Variants in PGBD2 observed in about 807,000 individuals in gnomAD.
PGBD2 encodes the protein piggyBac transposable element-derived protein 2.
A neutral mutation model predicts 8.1 loss-of-function variants in PGBD2; 6 were observed. The ratio of observed to expected loss-of-function variants is 0.74; its 90% confidence interval spans 0.40 to 1.46. PGBD2 has a LOEUF of 1.46. Ranked by LOEUF, PGBD2 falls within the 40% of genes most tolerant of loss-of-function variation. The probability of loss-of-function intolerance (pLI) is 0.02; values close to 1 mark genes in which losing one functional copy is unlikely to be tolerated. For missense variants in PGBD2, 802 were observed against 739.0 expected (o/e 1.09, Z -0.99); for synonymous variants, 318 against 272.2 (o/e 1.17, Z -1.66).
At chr1:248,929,003 G>T in the PGBD2 span, among the ~76,000 whole-genome samples, 6 of 152,206 alleles carry the variant, frequency 3.9e-5, no homozygotes, top group African/African-American at 7.2e-5. Flanking sequence ...AAACCTGTTT[G>T]TGAGATCTCC....
At chr1:248,890,130 T>C in the PGBD2 span, among the ~76,000 whole-genome samples, 2 of 152,034 alleles carry the variant, frequency 1.3e-5, no homozygotes, top group Admixed American at 1.3e-4. Flanking sequence ...TTTCTCCATG[T>C]TGGTCATGCT....
chr1:248,923,166 TC>T (rs1263248486), downstream of PGBD2, among the ~76,000 whole-genome samples: 4 of 152,234 alleles, frequency 2.6e-5, no homozygotes, highest in African/African-American at 9.6e-5. Flanking sequence ...GGATTCGACT[TC>T]CTCCTGGTTT....
chr1:248,886,289 A>G, the PGBD2 span, among the ~76,000 whole-genome samples: 1 of 152,254 alleles, frequency 6.6e-6, no homozygotes, highest in East Asian at 1.9e-4. Context: ...ACTTGAGTGT[A>G]CATTATTCAT....
At chr1:248,895,749 G>A in the PGBD2 span, among the ~76,000 whole-genome samples, 2 of 151,712 alleles carry the variant, frequency 1.3e-5, no homozygotes, top group South Asian at 2.1e-4. Flanking sequence ...GTGCAGTGGC[G>A]TGATCTTGGC....
chr1:248,900,278 C>T, the PGBD2 span, among the ~76,000 whole-genome samples: 2 of 152,116 alleles, frequency 1.3e-5, no homozygotes, highest in African/African-American at 4.8e-5. Context: ...GGCAGAAATA[C>T]AACAACAACA....
chr1:248,925,301 A>G, the PGBD2 span, among the ~76,000 whole-genome samples: 1 of 152,280 alleles, frequency 6.6e-6, no homozygotes, highest in East Asian at 1.9e-4. Flanking sequence ...CTCAGCTGTG[A>G]CCCCGCACTG....
At chr1:248,895,841 C>T in the PGBD2 span, among the ~76,000 whole-genome samples, 1 of 151,858 alleles carries the variant, frequency 6.6e-6, no homozygotes, top group African/African-American at 2.4e-5. Flanking sequence ...GCACGTGCCA[C>T]CACGCCCAGC....
the PGBD2 span, among the ~76,000 whole-genome samples, chr1:248,880,700 G>T: frequency 6.6e-6 from 1 of 152,174 alleles, no homozygotes; most frequent in Admixed American, 6.5e-5. Flanking sequence ...CCAATATCCA[G>T]ATAAAACTGT....
chr1:248,878,170 T>G, the PGBD2 span, among the ~76,000 whole-genome samples: 1 of 143,596 alleles, frequency 7.0e-6, no homozygotes, highest in Non-Finnish European at 1.5e-5. Context: ...TTTGTATCAT[T>G]GTTTTCCATA....
chr1:248,902,019 A>G (rs1244441935), upstream of PGBD2, among the ~76,000 whole-genome samples: 3 of 152,214 alleles, frequency 2.0e-5, no homozygotes, highest in Non-Finnish European at 4.4e-5. Flanking sequence ...CTGTGGTCCC[A>G]GCATTTTCAG....
chr1:248,879,152 T>A, the PGBD2 span, among the ~76,000 whole-genome samples: 1 of 152,250 alleles, frequency 6.6e-6, no homozygotes, highest in Non-Finnish European at 1.5e-5. Context: ...GAGCGTAAGC[T>A]GCTCACAGCG....
At chr1:248,906,920 G>A (rs1003194559) in intron 1 of PGBD2, among the ~76,000 whole-genome samples, 2 of 152,164 alleles carry the variant, frequency 1.3e-5, no homozygotes, top group Non-Finnish European at 2.9e-5. Flanking sequence ...TTGGGTGAAG[G>A]GGTGGCCTGC....
At chr1:248,882,078 A>G in the PGBD2 span, among the ~76,000 whole-genome samples, 4 of 152,306 alleles carry the variant, frequency 2.6e-5, no homozygotes, top group Admixed American at 2.6e-4. Context: ...AGCAGCCCGC[A>G]ATGCAATGGG....
chr1:248,884,930 G>T, the PGBD2 span, among the ~76,000 whole-genome samples: 1 of 152,230 alleles, frequency 6.6e-6, no homozygotes, highest in East Asian at 1.9e-4. Context: ...AGTCTGTTTT[G>T]TCAGTCTTAT....
upstream of PGBD2, among the ~76,000 whole-genome samples, chr1:248,903,469 G>A (rs182994153): frequency 3.7e-4 from 57 of 152,306 alleles, no homozygotes; most frequent in African/African-American, 1.3e-3. Context: ...GATTACAGGT[G>A]TGAGCCACCA....
the PGBD2 span, among the ~76,000 whole-genome samples, chr1:248,928,082 T>G: frequency 6.6e-6 from 1 of 152,216 alleles, no homozygotes; most frequent in Admixed American, 6.5e-5. Flanking sequence ...TTTTTGTTGT[T>G]GTTTGCTTTT....
chr1:248,911,794 C>T (rs1661900273), intron 1 of PGBD2, among the ~76,000 whole-genome samples: 3 of 133,456 alleles, frequency 2.2e-5, no homozygotes, highest in African/African-American at 5.3e-5. Flanking sequence ...GCCGGGCGCT[C>T]CCCCAGCAAA....
upstream of PGBD2, among the ~76,000 whole-genome samples, chr1:248,905,292 C>A (rs943389720): frequency 6.6e-6 from 1 of 151,614 alleles, no homozygotes; most frequent in Admixed American, 6.6e-5. Flanking sequence ...CACTAAGTGG[C>A]CCTCTTTTTG....
Position 248,918,405 on chromosome 1 carries a change from C to T in PGBD2, c.*42C>T, listed in dbSNP as rs762976213. ...TCTTTGGTTTATAATGAGATGTTTACAGTTAAATACAGATGGCAGTTGAGC... is the reference window on the plus strand; with the variant it reads ...TCTTTGGTTTATAATGAGATGTTTATAGTTAAATACAGATGGCAGTTGAGC... On this transcript the variant is annotated 3_prime_UTR_variant, in exon 3 of 3. Coordinates refer to ENST00000329291, the MANE Select transcript of PGBD2 (RefSeq NM_170725.3). The T allele has an allele frequency of 6.0e-6, 9 of 1,500,040 alleles. No homozygotes were observed. Among genetic ancestry groups the T allele is most frequent in the East Asian group, 2.3e-5 (1 of 43,628 alleles). The allele number at this position is 1,500,040 out of a possible 1,614,324, so 92.9% of individuals were successfully genotyped here.
Sources: gnomAD v4.1 joint callset for allele counts (sites outside exome capture counted in the v4.1 genomes callset) on GRCh38, gnomAD v4.1.1 for gene constraint, MANE v1.5 for transcripts, NCBI Gene and HGNC (gene_info 2026-07-23, HGNC 2026-07-21) for gene names.